Variants in WASHC4 observed in about 807,000 individuals in gnomAD.
WASHC4 encodes WASH complex subunit 4.
WASHC4 carries 86 observed loss-of-function variants against 166.6 expected under a neutral mutation model. The ratio of observed to expected loss-of-function variants is 0.52; its 90% CI spans 0.43 to 0.62. The LOEUF (loss-of-function observed/expected upper bound fraction) is 0.62. Among genes scored for constraint, WASHC4 ranks in the 20% least tolerant of loss-of-function variants. The probability of loss-of-function intolerance (pLI) is 0.00; values close to 1 mark genes in which losing one functional copy is unlikely to be tolerated. For missense variants in WASHC4, 1,262 were observed against 1,382.4 expected (o/e 0.91, Z 1.38); for synonymous variants, 446 against 451.6 (o/e 0.99, Z 0.16).
At chr12:105,117,075 T>A (rs978273729) in intron 6 of WASHC4, among the ~76,000 whole-genome samples, 1 of 152,248 alleles carries the variant, frequency 6.6e-6, no homozygotes, top group Non-Finnish European at 1.5e-5. Context: ...TTAGAATTGT[T>A]AATCATTCCT....
At chr12:105,114,530 A>T (rs1198716159) in intron 4 of WASHC4, 103 bp downstream of exon 4, 11 of 817,242 alleles carry the variant, frequency 1.3e-5, no homozygotes, top group Non-Finnish European at 2.0e-5. Context: ...TGAATGTTGA[A>T]TGAATTATTT....
chr12:105,127,136 C>G lies in WASHC4; in HGVS notation c.1046C>G (p.Ala349Gly). ...TTCCCTTTTCTGTTTCAGGTACCAG[C>G]CATCACTCTAACTGCTAATATTATT... is the stretch of plus-strand genomic sequence containing the variant. ...SLLDICKKVP[A>G]ITLTANIIWF... The change falls in exon 13 of 33, where the codon GCC becomes GGC. Residue 349 changes from alanine to glycine, a missense_variant. By Grantham distance (60) the Ala-to-Gly change is moderately conservative. Transcript: ENST00000332180. 1 of 1,612,644 alleles carries G rather than the reference C, an allele frequency of 6.2e-7. No individual in the cohort carries two copies. The highest frequency in any genetic ancestry group is 8.5e-7 in the Non-Finnish European group (1 of 1,178,894).
At chr12:105,140,737 T>G (rs1406743711) in intron 16 of WASHC4, among the ~76,000 whole-genome samples, 162 bp from the exon 17 acceptor site, 1 of 152,206 alleles carries the variant, frequency 6.6e-6, no homozygotes, top group Non-Finnish European at 1.5e-5. Flanking sequence ...TACTAAGGGA[T>G]CATATTACAG....
At position 105,133,774 on chromosome 12, in the gene WASHC4, G is replaced by A. The variant is rs767039070; in HGVS notation, c.1204G>A (p.Val402Ile). Residue 402 changes from valine (V) to isoleucine (I), a missense_variant, in exon 14 of 33, where the codon GTA becomes ATA. Coordinates refer to ENST00000332180, the MANE Select transcript of WASHC4 (RefSeq NM_015275.3). ...CCCAATATTTTCCTTTGTTAGAGATGTACAGTCTTACTACGTCTTTGTGAG... is the reference window on the plus strand; with the variant it reads ...CCCAATATTTTCCTTTGTTAGAGATATACAGTCTTACTACGTCTTTGTGAG... ...QQKAQSLTKD[V>I]QSYYVFVSSW... 1 of 1,612,134 alleles carries A rather than the reference G, an allele frequency of 6.2e-7. No individual in the cohort carries two copies. The highest frequency in any genetic ancestry group is 1.3e-5 in the African/African-American group (1 of 74,982).
At chr12:105,162,914 G>C in intron 30 of WASHC4, 69 bp downstream of exon 30, 1 of 789,330 alleles carries the variant, frequency 1.3e-6, no homozygotes, top group Non-Finnish European at 2.1e-6. Context: ...AGAAACATCT[G>C]CTTGAGAATA....
chr12:105,164,029 G>C (rs1210424501), intron 30 of WASHC4, 82 bp from the exon 31 acceptor site: 4 of 1,194,420 alleles, frequency 3.3e-6, no homozygotes, highest in Non-Finnish European at 3.7e-6. Context: ...AGAATGCTTA[G>C]TGTTGGGAAT....
intron 10 of WASHC4, among the ~76,000 whole-genome samples, chr12:105,122,572 T>G (rs1162967741): frequency 6.6e-6 from 1 of 152,106 alleles, no homozygotes; most frequent in African/African-American, 2.4e-5. Flanking sequence ...AATTGCATTT[T>G]CTACAAATTA....
At position 105,118,511 on chromosome 12, in the gene WASHC4, C is replaced by G. The variant is rs1329179769; in HGVS notation, c.501C>G (p.Ala167=). 1.9e-6 allele frequency: 3 copies of G among 1,606,332 alleles called. No individual in the cohort carries two copies. Among genetic ancestry groups the G allele is most frequent in the Non-Finnish European group, 2.6e-6 (3 of 1,173,046 alleles). Reference sequence around the variant, plus strand: ...TGAACGTAGTCCACCAGTTGGCTGCCCTCTATATCAGTAACAAGTAATGGA... The same window carrying G: ...TGAACGTAGTCCACCAGTTGGCTGCGCTCTATATCAGTAACAAGTAATGGA... ...VVMNVVHQLA[A]LYISNKIAPK... The change falls in exon 7 of 33, where the codon GCC becomes GCG. Residue 167 remains alanine (A), a synonymous_variant. Coordinates refer to ENST00000332180, the MANE Select transcript of WASHC4 (RefSeq NM_015275.3).
chr12:105,136,897 C>T (rs1409766333), intron 14 of WASHC4, among the ~76,000 whole-genome samples: 2 of 152,084 alleles, frequency 1.3e-5, no homozygotes, highest in African/African-American at 2.4e-5. Flanking sequence ...TCCTACTTTG[C>T]GCTGAGTATC....
intron 3 of WASHC4, 40 bp from the exon 4 acceptor site, chr12:105,114,322 A>G (rs762138672): frequency 6.9e-6 from 11 of 1,596,462 alleles, no homozygotes; most frequent in Non-Finnish European, 8.6e-6. Context: ...AGTTATCTGT[A>G]ACAATTTACT....
intron 2 of WASHC4, among the ~76,000 whole-genome samples, chr12:105,112,918 G>A (rs2135720925): frequency 6.6e-6 from 1 of 152,226 alleles, no homozygotes; most frequent in South Asian, 2.1e-4. Context: ...ATGAATATCA[G>A]GCAGCTTGAC....
chr12:105,157,695 T>C (rs1198906303), intron 28 of WASHC4, among the ~76,000 whole-genome samples: 1 of 152,240 alleles, frequency 6.6e-6, no homozygotes, highest in Non-Finnish European at 1.5e-5. Context: ...AATATTTCTC[T>C]TCACCAACAG....
intron 8 of WASHC4, among the ~76,000 whole-genome samples, 185 bp downstream of exon 8, chr12:105,120,782 A>G (rs970766409): frequency 2.0e-5 from 3 of 152,122 alleles, no homozygotes; most frequent in Non-Finnish European, 4.4e-5. Context: ...ATTATTGACC[A>G]TTATCAGTGT....
intron 29 of WASHC4, among the ~76,000 whole-genome samples, chr12:105,160,963 A>T (rs1317011317): frequency 6.6e-6 from 1 of 152,178 alleles, no homozygotes; most frequent in Non-Finnish European, 1.5e-5. Context: ...AGTTCAAGTT[A>T]TCAAAAATTG....
At chr12:105,122,435 T>C (rs1166544499) in intron 10 of WASHC4, among the ~76,000 whole-genome samples, 197 bp downstream of exon 10, 1 of 151,302 alleles carries the variant, frequency 6.6e-6, no homozygotes, top group Non-Finnish European at 1.5e-5. Context: ...TTAGTTGTAT[T>C]TGGAGCAAGA....
At chr12:105,140,802 CTT>C in intron 16 of WASHC4, 95 bp from the exon 17 acceptor site, 1 of 1,251,082 alleles carries the variant, frequency 8.0e-7, no homozygotes, top group Admixed American at 1.7e-5. Context: ...TGTATGCTCT[CTT>C]AAATTGAATC....
intron 2 of WASHC4, 126 bp from the exon 3 acceptor site, chr12:105,114,087 TATG>T (rs1879945361): frequency 2.7e-6 from 2 of 743,726 alleles, no homozygotes; most frequent in Non-Finnish European, 4.6e-6. Context: ...AAGTAGTTGA[TATG>T]GTGCTAATGT....
chr12:105,142,677 C>T (rs866940872), intron 19 of WASHC4, 119 bp downstream of exon 19: 1 of 655,640 alleles, frequency 1.5e-6, no homozygotes, highest in Non-Finnish European at 2.7e-6. Context: ...GTTTTGTAAA[C>T]TGCATATTCA....
intron 16 of WASHC4, 24 bp downstream of exon 16, chr12:105,140,425 G>A (rs200468490): frequency 2.0e-6 from 3 of 1,464,098 alleles, no homozygotes; most frequent in Admixed American, 3.4e-5. Context: ...TATGTATTTA[G>A]CATAAGTATG....
Sources: allele counts gnomAD v4.1 joint callset (sites outside exome capture counted in the v4.1 genomes callset), GRCh38; gene constraint gnomAD v4.1.1; transcripts MANE v1.5; gene names NCBI Gene and HGNC (gene_info 2026-07-23, HGNC 2026-07-21).